AGBL4: variants seen among roughly 807,000 people sequenced by gnomAD.
The protein encoded by AGBL4 is cytosolic carboxypeptidase 6.
A neutral mutation model predicts 66.4 loss-of-function variants in AGBL4; 58 were observed. The observed-to-expected ratio is 0.87, with a 90% CI of 0.71 to 1.09. The LOEUF is 1.09. Among genes scored for constraint, AGBL4 ranks in the 50% least tolerant of loss-of-function variants. AGBL4 has a pLI of 0.00. For synonymous variants in AGBL4, 234 were observed against 222.9 expected (o/e 1.05, Z -0.44); for missense variants, 579 against 631.0 (o/e 0.92, Z 0.88).
chr1:49,778,742 G>A (rs1388897439), intron 2 of AGBL4, among the ~76,000 whole-genome samples: 1 of 152,146 alleles, frequency 6.6e-6, no homozygotes, highest in African/African-American at 2.4e-5. Context: ...GTTCTCATAA[G>A]TGGGAGCTAA....
intron 6 of AGBL4, among the ~76,000 whole-genome samples, chr1:48,706,484 T>C (rs1183250968): frequency 1.3e-5 from 2 of 151,976 alleles, no homozygotes; most frequent in Admixed American, 1.3e-4. Flanking sequence ...ATCACTTTTC[T>C]AAAAAATATT....
At chr1:48,677,974 C>T (rs896492394) in intron 6 of AGBL4, among the ~76,000 whole-genome samples, 5 of 152,186 alleles carry the variant, frequency 3.3e-5, no homozygotes, top group African/African-American at 4.8e-5. Context: ...TACTAGGAGA[C>T]GGGGGCCCTC....
intron 5 of AGBL4, among the ~76,000 whole-genome samples, chr1:48,962,297 G>A (rs183358250): frequency 6.6e-6 from 1 of 152,220 alleles, no homozygotes; most frequent in Admixed American, 6.5e-5. Context: ...ATTTCACAGG[G>A]TTGTTTAGAA....
intron 6 of AGBL4, among the ~76,000 whole-genome samples, chr1:48,801,529 G>T (rs1645807181): frequency 6.6e-6 from 1 of 152,160 alleles, no homozygotes; most frequent in South Asian, 2.1e-4. Flanking sequence ...AGTGCCTACA[G>T]GGCTTTTCCC....
chr1:49,579,783 G>C (rs895341033), intron 3 of AGBL4, among the ~76,000 whole-genome samples: 1 of 152,230 alleles, frequency 6.6e-6, no homozygotes, highest in African/African-American at 2.4e-5. Context: ...ACAGGCGTGA[G>C]CCACTGCACC....
At chr1:48,958,392 C>G (rs1657670521) in intron 5 of AGBL4, among the ~76,000 whole-genome samples, 1 of 152,206 alleles carries the variant, frequency 6.6e-6, no homozygotes, top group Non-Finnish European at 1.5e-5. Flanking sequence ...TGAGAAGTAT[C>G]TGCTTAAGAA....
chr1:49,824,982 T>C (rs541043698), intron 2 of AGBL4, among the ~76,000 whole-genome samples: 2 of 152,342 alleles, frequency 1.3e-5, no homozygotes, highest in East Asian at 1.9e-4. Flanking sequence ...TACTACTCCA[T>C]AGATTTTTTT....
intron 6 of AGBL4, among the ~76,000 whole-genome samples, chr1:48,719,186 A>C (rs1241642922): frequency 2.0e-5 from 3 of 152,102 alleles, no homozygotes; most frequent in African/African-American, 7.2e-5. Context: ...AACACGTTTG[A>C]TCTCCCCTCT....
intron 2 of AGBL4, among the ~76,000 whole-genome samples, chr1:49,758,231 T>C (rs1166129984): frequency 1.3e-5 from 2 of 152,160 alleles, no homozygotes; most frequent in Non-Finnish European, 2.9e-5. Flanking sequence ...TTTCAGAGGA[T>C]GTATGGAAAC....
intron 3 of AGBL4, among the ~76,000 whole-genome samples, chr1:49,588,942 A>G (rs1330305788): frequency 6.6e-6 from 1 of 152,040 alleles, no homozygotes; most frequent in Non-Finnish European, 1.5e-5. Context: ...TGTTAGAAAT[A>G]TGGGTGAACT....
chr1:48,528,002 G>A (rs1376008957), downstream of AGBL4, among the ~76,000 whole-genome samples: 1 of 152,174 alleles, frequency 6.6e-6, no homozygotes, highest in Non-Finnish European at 1.5e-5. Flanking sequence ...AGCAATCCAG[G>A]TAGGAAATAA....
chr1:49,263,482 C>T (rs911539002), intron 3 of AGBL4, among the ~76,000 whole-genome samples: 1 of 151,768 alleles, frequency 6.6e-6, no homozygotes, highest in Non-Finnish European at 1.5e-5. Context: ...AGCATATAAT[C>T]AGACAAGATA....
At chr1:49,156,173 C>T (rs761246054) in intron 4 of AGBL4, among the ~76,000 whole-genome samples, 9 of 152,160 alleles carry the variant, frequency 5.9e-5, no homozygotes, top group South Asian at 2.1e-4. Flanking sequence ...CAACACATCA[C>T]GGTAACAGCT....
chr1:49,655,206 G>T (rs1485972154), intron 3 of AGBL4, among the ~76,000 whole-genome samples: 9 of 152,078 alleles, frequency 5.9e-5, no homozygotes, highest in African/African-American at 1.7e-4. Flanking sequence ...AGCTTAGTTT[G>T]GCTGGATATG....
At position 48,788,581 on chromosome 1, in the gene AGBL4, A is replaced by G. The variant is rs568384660; in HGVS notation, c.634+78610T>C. On this transcript the variant is annotated intron_variant, in intron 6 of 13. Transcript: ENST00000371839. The stretch of plus-strand genomic sequence containing the variant: ...ACATGGCTTCAGAATTGTGAAACAC[A>G]GTGTTCTCAATCATAAAAAAGGATG... 6.6e-5 allele frequency among the ~76,000 whole-genome samples: 10 copies of G among 152,368 alleles called. No individual in the cohort carries two copies. In the East Asian group the frequency reaches 1.9e-3, roughly 29 times the overall value.
At chr1:48,667,679 T>TAGAC (rs979298729) in intron 6 of AGBL4, among the ~76,000 whole-genome samples, 1 of 152,268 alleles carries the variant, frequency 6.6e-6, no homozygotes, top group Admixed American at 6.5e-5. Context: ...AGTTGCTATG[T>TAGAC]AGACCTTAAG....
intron 5 of AGBL4, among the ~76,000 whole-genome samples, chr1:48,981,185 G>C (rs537248407): frequency 1.3e-5 from 2 of 152,256 alleles, no homozygotes; most frequent in East Asian, 3.9e-4. Context: ...ATTTTGTTAC[G>C]AGGCCTGGGC....
chr1:49,109,189 C>A (rs1450257992), intron 4 of AGBL4, among the ~76,000 whole-genome samples: 2 of 152,180 alleles, frequency 1.3e-5, no homozygotes, highest in African/African-American at 4.8e-5. Context: ...GGTAGCATCA[C>A]CTTTTACTTC....
rs111387771 is a variant in AGBL4, at chr1:49,331,711, A to T, written c.283-85847T>A. On this transcript the variant is annotated intron_variant, in intron 3 of 13. Coordinates refer to ENST00000371839, the MANE Select transcript of AGBL4 (RefSeq NM_032785.4). ...GGCTGCCACCTTTGTTGTTTGGATG[A>T]CTCAACCAGACTATCCTGCAGACTT... Among the ~76,000 whole-genome samples the T allele has an allele frequency of 1.9e-3, 288 of 151,866 alleles. 1 individual carries two copies. Among genetic ancestry groups the T allele is most frequent in the Non-Finnish European group, 3.2e-3 (214 of 67,928 alleles).
Sources: gnomAD v4.1 joint callset for allele counts (sites outside exome capture counted in the v4.1 genomes callset) on GRCh38, gnomAD v4.1.1 for gene constraint, MANE v1.5 for transcripts, NCBI Gene and HGNC (gene_info 2026-07-23, HGNC 2026-07-21) for gene names.